The following CREB5 variants were observed in gnomAD, a reference collection of about 807,000 sequenced individuals.
The protein encoded by CREB5 is cyclic AMP-responsive element-binding protein 5.
Under a neutral mutation model 57.1 loss-of-function variants are expected in CREB5, and 19 were observed. The ratio of observed to expected loss-of-function variants is 0.33; its 90% CI spans 0.23 to 0.49. CREB5 has a LOEUF of 0.49. CREB5 is among the 20% of genes least tolerant of loss of function. The pLI is 0.99. For missense variants in CREB5, 579 were observed against 671.6 expected (o/e 0.86, Z 1.52); for synonymous variants, 238 against 238.3 (o/e 1.00, Z 0.01).
At chr7:28,439,495 T>C (rs754912179) in intron 1 of CREB5, among the ~76,000 whole-genome samples, 6 of 152,204 alleles carry the variant, frequency 3.9e-5, no homozygotes, top group Non-Finnish European at 7.4e-5. Flanking sequence ...ATAGCACTTA[T>C]TATGTACTAG....
chr7:28,369,989 T>A (rs543709423), intron 1 of CREB5, among the ~76,000 whole-genome samples: 1 of 152,142 alleles, frequency 6.6e-6, no homozygotes, highest in Non-Finnish European at 1.5e-5. Context: ...AGCAGCTACT[T>A]TTTTTTCCCT....
intron 1 of CREB5, among the ~76,000 whole-genome samples, chr7:28,388,074 C>T (rs541624241): frequency 1.5e-3 from 231 of 152,278 alleles, no homozygotes; most frequent in Admixed American, 4.1e-3. Context: ...CTGGAGGAAT[C>T]CTGCAAGACC....
chr7:28,341,610 C>A (rs1785938780), intron 1 of CREB5, among the ~76,000 whole-genome samples: 1 of 152,172 alleles, frequency 6.6e-6, no homozygotes, highest in Non-Finnish European at 1.5e-5. Context: ...GGGGTTTGCA[C>A]TTTATTTTGT....
intron 1 of CREB5, among the ~76,000 whole-genome samples, chr7:28,407,124 A>G (rs1258135325): frequency 2.0e-5 from 3 of 151,670 alleles, no homozygotes; most frequent in Non-Finnish European, 2.9e-5. Flanking sequence ...ATCTCAGCTC[A>G]CTGCAACCTC....
chr7:28,591,897 A>C (rs1796535109), intron 5 of CREB5, among the ~76,000 whole-genome samples: 1 of 152,212 alleles, frequency 6.6e-6, no homozygotes, highest in Non-Finnish European at 1.5e-5. Flanking sequence ...TTGCTAGAAC[A>C]GCAAGTGAAG....
intron 3 of CREB5, among the ~76,000 whole-genome samples, chr7:28,506,682 T>C (rs747504075): frequency 3.9e-5 from 6 of 152,200 alleles, no homozygotes; most frequent in Non-Finnish European, 8.8e-5. Flanking sequence ...GAAAAGACCA[T>C]TTACACAATT....
chr7:28,543,513 C>A (rs1230574195), intron 4 of CREB5, among the ~76,000 whole-genome samples: 2 of 148,920 alleles, frequency 1.3e-5, no homozygotes, highest in African/African-American at 5.0e-5. Flanking sequence ...AAGTAGCTTT[C>A]CATCAGTTTT....
At position 28,778,248 on chromosome 7, in the gene CREB5, G is replaced by A. The variant is rs112550649; in HGVS notation, c.703-25951G>A. On this transcript the variant is annotated intron_variant, in intron 7 of 10. Coordinates refer to ENST00000357727, the MANE Select transcript of CREB5 (RefSeq NM_182898.4). ...AGTTGTACTTTGTAATTTACTATTC[G>A]ATTAGTAAAAAGGTATGTAATGTTA... is the stretch of plus-strand genomic sequence containing the variant. Among the ~76,000 whole-genome samples, 1,055 of 152,234 alleles carry A rather than the reference G, an allele frequency of 6.9e-3. 19 individuals carry two copies. Among genetic ancestry groups the A allele is most frequent in the South Asian group, 0.049 (235 of 4,830 alleles).
chr7:28,792,589 G>A (rs1188304718), intron 7 of CREB5, among the ~76,000 whole-genome samples: 1 of 152,124 alleles, frequency 6.6e-6, no homozygotes, highest in African/African-American at 2.4e-5. Context: ...CACACACACG[G>A]CCAGATTCTT....
chr7:28,660,149 A>G (rs35451100), intron 5 of CREB5, among the ~76,000 whole-genome samples: 32,077 of 152,154 alleles, frequency 0.21, 3,911 homozygotes, highest in East Asian at 0.48. Context: ...ATAGTATAGC[A>G]TTGCTATGAT....
chr7:28,560,431 G>T (rs897640909), intron 4 of CREB5, among the ~76,000 whole-genome samples: 3 of 152,118 alleles, frequency 2.0e-5, no homozygotes, highest in African/African-American at 7.2e-5. Context: ...AGCTATAGCA[G>T]GTTTCAGAGC....
At chr7:28,491,085 A>T in intron 2 of CREB5, 2 of 431,038 alleles carry the variant, frequency 4.6e-6, no homozygotes, top group Non-Finnish European at 6.2e-6. Flanking sequence ...GGGATTAATG[A>T]GTGAGTGGGT....
chr7:28,643,368 C>T (rs1798756894), intron 5 of CREB5, among the ~76,000 whole-genome samples: 1 of 152,106 alleles, frequency 6.6e-6, no homozygotes, highest in Non-Finnish European at 1.5e-5. Context: ...TTCTAGGTGT[C>T]TGTATGTGTC....
intron 5 of CREB5, among the ~76,000 whole-genome samples, chr7:28,718,446 C>T (rs1221013909): frequency 1.3e-5 from 2 of 152,168 alleles, no homozygotes; most frequent in African/African-American, 4.8e-5. Context: ...AGGATTTCAC[C>T]ACCAAGTTCC....
chr7:28,818,944 G>A (rs559715215), intron 10 of CREB5, among the ~76,000 whole-genome samples, 172 bp from the exon 11 acceptor site: 1 of 152,262 alleles, frequency 6.6e-6, no homozygotes, highest in Admixed American at 6.5e-5. Flanking sequence ...ATAGCATTGT[G>A]ACAACAGTTG....
chr7:28,405,715 C>A (rs766226943), intron 1 of CREB5, among the ~76,000 whole-genome samples: 4 of 152,214 alleles, frequency 2.6e-5, no homozygotes, highest in Non-Finnish European at 4.4e-5. Context: ...CTGCGCCTGG[C>A]CTTGATCTCA....
intron 1 of CREB5, among the ~76,000 whole-genome samples, chr7:28,335,290 C>T (rs111622078): frequency 0.05 from 7,605 of 151,930 alleles, 629 homozygotes; most frequent in African/African-American, 0.17. Context: ...TTTTGTAATA[C>T]GAACATTTTA....
intron 4 of CREB5, among the ~76,000 whole-genome samples, chr7:28,556,625 T>A (rs937834369): frequency 6.6e-6 from 1 of 152,178 alleles, no homozygotes; most frequent in Non-Finnish European, 1.5e-5. Flanking sequence ...GGTGATAAAA[T>A]AAAAATAACC....
At position 28,674,234 on chromosome 7, in the gene CREB5, A is replaced by T. The variant is rs139529377; in HGVS notation, c.465-44519A>T. ...GGAAAGGGATGGAGCGTTTGCAGGA[A>T]GGTGTTAGGTAGAAGGAGGACTATT... On this transcript the variant is annotated intron_variant, in intron 5 of 10. Transcript: ENST00000357727. 8.5e-5 allele frequency among the ~76,000 whole-genome samples: 13 copies of T among 152,272 alleles called. 1 individual carries two copies. The highest frequency in any genetic ancestry group is 2.9e-4 in the African/African-American group (12 of 41,566).
Sources: gnomAD v4.1 joint callset for allele counts (sites outside exome capture counted in the v4.1 genomes callset) on GRCh38, gnomAD v4.1.1 for gene constraint, MANE v1.5 for transcripts, NCBI Gene and HGNC (gene_info 2026-07-23, HGNC 2026-07-21) for gene names.